The following ZMYND11 variants were observed in gnomAD, a reference collection of about 807,000 sequenced individuals.
ZMYND11 encodes the protein zinc finger MYND domain-containing protein 11.
ZMYND11 carries 9 observed loss-of-function variants against 84.9 expected under a neutral mutation model. That is an observed-to-expected ratio of 0.11 (90% confidence interval 0.06 to 0.18). ZMYND11 has a LOEUF of 0.18. Ranked by LOEUF, ZMYND11 falls within the 10% of genes least tolerant of loss-of-function variation. ZMYND11 has a pLI of 1.00. For missense variants in ZMYND11, 409 were observed against 761.0 expected (o/e 0.54, Z 5.44); for synonymous variants, 250 against 244.1 (o/e 1.02, Z -0.23).
intron 1 of ZMYND11, among the ~76,000 whole-genome samples, chr10:140,765 A>T (rs1223159374): frequency 6.6e-6 from 1 of 152,220 alleles, no homozygotes; most frequent in African/African-American, 2.4e-5. Context: ...AAATACCCTT[A>T]CGTGCACATA....
intron 2 of ZMYND11, among the ~76,000 whole-genome samples, chr10:201,217 A>G (rs1166020947): frequency 6.6e-6 from 1 of 152,178 alleles, no homozygotes; most frequent in African/African-American, 2.4e-5. Context: ...CAGATTACCT[A>G]GAATACACTT....
At chr10:249,769 CTATA>C (rs1320348236) in intron 14 of ZMYND11, 3 of 984,758 alleles carry the variant, frequency 3.0e-6, no homozygotes, top group Non-Finnish European at 3.6e-6. Context: ...TAATAAATGA[CTATA>C]TAAAGTTTTG....
chr10:249,136 G>GGTAT (rs1306389354), intron 14 of ZMYND11, 48 bp downstream of exon 14: 1 of 1,610,842 alleles, frequency 6.2e-7, no homozygotes, highest in Non-Finnish European at 8.5e-7. Context: ...ATGTACCACA[G>GGTAT]GTATGATGCC....
chr10:243,338 T>C (rs928259578), intron 10 of ZMYND11, among the ~76,000 whole-genome samples: 2 of 152,230 alleles, frequency 1.3e-5, no homozygotes, highest in African/African-American at 4.8e-5. Flanking sequence ...TTTGCTTCAA[T>C]GTTTTTCACA....
At chr10:198,070 T>G (rs1461240028) in intron 2 of ZMYND11, 1 of 493,158 alleles carries the variant, frequency 2.0e-6, no homozygotes, top group East Asian at 3.3e-5. Flanking sequence ...TGTAAAAAGA[T>G]TCAAGCAAGC....
chr10:133,371 G>C (rs556615490), upstream of ZMYND11, among the ~76,000 whole-genome samples: 4 of 152,224 alleles, frequency 2.6e-5, no homozygotes, highest in East Asian at 7.7e-4. Flanking sequence ...CATCTTAGTG[G>C]ATAAATACCA....
At chr10:232,097 A>G (rs1358613026) in intron 4 of ZMYND11, among the ~76,000 whole-genome samples, 2 of 152,244 alleles carry the variant, frequency 1.3e-5, no homozygotes, top group Non-Finnish European at 2.9e-5. Flanking sequence ...TACATATTAT[A>G]AAGCATTGTT....
chr10:207,691 G>T (rs1588951786), intron 2 of ZMYND11, among the ~76,000 whole-genome samples: 1 of 152,200 alleles, frequency 6.6e-6, no homozygotes, highest in Non-Finnish European at 1.5e-5. Context: ...TGGAGAGGAA[G>T]AATCAATATC....
At chr10:231,676 T>C (rs1669563760) in intron 4 of ZMYND11, among the ~76,000 whole-genome samples, 2 of 152,216 alleles carry the variant, frequency 1.3e-5, no homozygotes, top group Admixed American at 1.3e-4. Flanking sequence ...CCATGCTTTG[T>C]CTGTTGTTTC....
chr10:184,856 A>C (rs1247656700), intron 2 of ZMYND11, among the ~76,000 whole-genome samples: 1 of 151,674 alleles, frequency 6.6e-6, no homozygotes, highest in Admixed American at 6.6e-5. Context: ...AATAGAGCCT[A>C]ATTTTTCCTG....
chr10:174,659 C>T (rs1335904243), intron 1 of ZMYND11, among the ~76,000 whole-genome samples: 1 of 151,642 alleles, frequency 6.6e-6, no homozygotes, highest in African/African-American at 2.4e-5. Context: ...AACCCATGGG[C>T]ATTACAGTGG....
chr10:175,360 G>T (rs941126236), intron 1 of ZMYND11, among the ~76,000 whole-genome samples: 2 of 152,176 alleles, frequency 1.3e-5, no homozygotes, highest in Non-Finnish European at 2.9e-5. Context: ...CTGAGGTCAG[G>T]AGTTCAAGAC....
Position 252,313 on chromosome 10 carries a change from C to T in ZMYND11, c.1687-35C>T, listed in dbSNP as rs1589332779. ...AACCAGTCGCTTACACATCCACACC[C>T]AAGTCTAAAGACTGCCCCGATTTCT... is the stretch of plus-strand genomic sequence containing the variant. On this transcript the variant is annotated intron_variant, in intron 14 of 14. Transcript: ENST00000381604. The surrounding 1 kb of genome is among the most constrained non-coding windows in gnomAD (Gnocchi z 4.6). 9 of 1,611,664 alleles carry T rather than the reference C, an allele frequency of 5.6e-6. No individual in the cohort carries two copies. In the African/African-American group the frequency reaches 6.7e-5, roughly 12 times the overall value.
intron 2 of ZMYND11, among the ~76,000 whole-genome samples, chr10:203,271 A>G (rs1943562658): frequency 1.3e-5 from 2 of 152,248 alleles, no homozygotes; most frequent in Middle Eastern, 3.4e-3. Flanking sequence ...CTGAAACTAT[A>G]AAGAGAGGTA....
rs71505864 is a variant in ZMYND11 at position 138,753 on chromosome 10, GA to G, written c.-20+3206del. On this transcript the variant is annotated intron_variant, in intron 1 of 14. Coordinates refer to ENST00000381604, the MANE Select transcript of ZMYND11 (RefSeq NM_001370100.5). The stretch of plus-strand genomic sequence containing the variant: ...CTTTCAGCAAAGAGGATGTATCTTG[GA>G]AAAAAAAAAAAGAGAAAATAGACTT... Among the ~76,000 whole-genome samples, 413 of 144,766 alleles carry G rather than the reference GA, an allele frequency of 2.9e-3. 1 individual carries two copies. Among genetic ancestry groups the G allele is most frequent in the Middle Eastern group, 0.011 (3 of 282 alleles). The allele number at this position is 144,766 out of a possible 152,430, so 95.0% of individuals were successfully genotyped here.
Position 246,988 on chromosome 10 carries a change from G to A in ZMYND11, c.1158+15G>A, listed in dbSNP as rs1272578908. ...GTAATGAGCAGGTGAGTGTGTCTCCGGAAGGAAGTGCCTATTCATTATTAC... is the reference window on the plus strand; with the variant it reads ...GTAATGAGCAGGTGAGTGTGTCTCCAGAAGGAAGTGCCTATTCATTATTAC... On this transcript the variant is annotated intron_variant, in intron 11 of 14. Transcript: ENST00000381604. 2 of 1,580,028 alleles carry A rather than the reference G, an allele frequency of 1.3e-6. No homozygotes were observed. The highest frequency in any genetic ancestry group is 1.7e-6 in the Non-Finnish European group (2 of 1,160,824).
At position 249,102 on chromosome 10, in the gene ZMYND11, T is replaced by A; in HGVS notation, c.1686+14T>A. On this transcript the variant is annotated intron_variant, in intron 14 of 14. Coordinates refer to ENST00000381604, the MANE Select transcript of ZMYND11 (RefSeq NM_001370100.5). ...AAGAAGCAGTGGGTAAATACCAGTC[T>A]TTTTTAGACCCTTATTTCTGAAAAT... 6.2e-7 allele frequency: 1 copy of A among 1,614,018 alleles called. No individual in the cohort carries two copies. Among genetic ancestry groups the A allele is most frequent in the Non-Finnish European group, 8.5e-7 (1 of 1,180,004 alleles).
intron 1 of ZMYND11, among the ~76,000 whole-genome samples, chr10:169,752 G>T (rs1554765113): frequency 6.6e-6 from 1 of 152,020 alleles, no homozygotes; most frequent in Non-Finnish European, 1.5e-5. Flanking sequence ...AGCAGAGAGA[G>T]ACAAGTCTGG....
At chr10:167,281 A>T (rs1339067305) in intron 1 of ZMYND11, among the ~76,000 whole-genome samples, 1 of 152,078 alleles carries the variant, frequency 6.6e-6, no homozygotes, top group African/African-American at 2.4e-5. Flanking sequence ...AAAATAAATA[A>T]TATTATGTTC....
Sources: gnomAD v4.1 joint callset for allele counts (sites outside exome capture counted in the v4.1 genomes callset) on GRCh38, gnomAD v4.1.1 for gene constraint, Gnocchi (gnomAD v3.1) non-coding constraint, MANE v1.5 for transcripts, NCBI Gene and HGNC (gene_info 2026-07-23, HGNC 2026-07-21) for gene names.